ZC3H18: variants seen among roughly 807,000 people sequenced by gnomAD.
ZC3H18 encodes the protein zinc finger CCCH domain-containing protein 18.
Under a neutral mutation model 106.1 loss-of-function variants are expected in ZC3H18, and 8 were observed. The ratio of observed to expected loss-of-function variants is 0.08; its 90% confidence interval spans 0.04 to 0.14. ZC3H18 has a LOEUF of 0.14. ZC3H18 is among the 10% of genes least tolerant of loss of function. The pLI, the probability that ZC3H18 is intolerant of heterozygous loss-of-function variation, is 1.00. For missense variants in ZC3H18, 1,318 were observed against 1,278.4 expected, an observed-to-expected ratio of 1.03 and a Z score of -0.47; for synonymous variants, 635 against 522.1, an observed-to-expected ratio of 1.22 and a Z score of -2.95.
rs756138464 is a variant in ZC3H18, at chr16:88,609,018, G to A, written c.1173G>A (p.Gln391=). 7 of 1,613,742 alleles carry A rather than the reference G, an allele frequency of 4.3e-6. No individual in the cohort carries two copies. The African/African-American group carries it at 5.3e-5, about 12-fold the overall frequency. The change falls in exon 7 of 18, where the codon CAG becomes CAA. Residue 391 remains glutamine (Q), a synonymous_variant. Transcript: ENST00000301011. ...GACAGTATGAGAATTTCAGGGTGCAGTATACAGAAACAGAGCCGTATCATA... is the reference window on the plus strand; with the variant it reads ...GACAGTATGAGAATTTCAGGGTGCAATATACAGAAACAGAGCCGTATCATA... The part of the protein sequence containing the change: ...RGGQYENFRV[Q]YTETEPYHNY...
intron 2 of ZC3H18, among the ~76,000 whole-genome samples, chr16:88,580,826 G>A (rs1038063233): frequency 2.6e-5 from 4 of 152,150 alleles, no homozygotes; most frequent in East Asian, 3.9e-4. Context: ...CAAAGTGTCC[G>A]TTCTAGAAGA....
rs367748720 is a variant in ZC3H18, at chr16:88,622,325, C to T, written c.1604C>T (p.Pro535Leu). 5.1e-5 allele frequency: 82 copies of T among 1,613,632 alleles called. 1 individual carries two copies. Among genetic ancestry groups the T allele is most frequent in the Non-Finnish European group, 6.4e-5 (75 of 1,179,866 alleles). ...AAGAAACTCGGGGTGTCGGTCTCCCCGAGCCGGGCTCGAAGGCGTCGGAAA... is the reference window on the plus strand; with the variant it reads ...AAGAAACTCGGGGTGTCGGTCTCCCTGAGCCGGGCTCGAAGGCGTCGGAAA... ...PKKKLGVSVS[P>L]SRARRRRKTS... The change falls in exon 9 of 18, where the codon CCG (proline) becomes CTG (leucine). Residue 535 changes from proline to leucine, a missense_variant. Around this residue, in one of 6 missense-constraint regions of ZC3H18, gnomAD observed 848 missense variants for 821.7 expected, o/e 1.03. Coordinates refer to ENST00000301011, the MANE Select transcript of ZC3H18 (RefSeq NM_144604.4).
intron 1 of ZC3H18, among the ~76,000 whole-genome samples, chr16:88,574,892 C>T (rs1181506598): frequency 1.1e-4 from 16 of 148,756 alleles, no homozygotes; most frequent in African/African-American, 3.2e-4. Flanking sequence ...TGCAATGGCG[C>T]GATCTCGGCT....
At chr16:88,620,406 T>C (rs1225425293) in intron 8 of ZC3H18, among the ~76,000 whole-genome samples, 2 of 152,050 alleles carry the variant, frequency 1.3e-5, no homozygotes, top group African/African-American at 4.8e-5. Flanking sequence ...CTGGGCAACA[T>C]AGGGAGACCT....
chr16:88,576,780 G>A (rs780797608), intron 1 of ZC3H18, among the ~76,000 whole-genome samples: 23 of 152,194 alleles, frequency 1.5e-4, no homozygotes, highest in Non-Finnish European at 2.4e-4. Context: ...TGTCCTTTGC[G>A]ATCCGTATCG....
Position 88,631,418 on chromosome 16 carries a change from A to G in ZC3H18, c.*119A>G. On this transcript the variant is annotated 3_prime_UTR_variant, in exon 18 of 18. Coordinates refer to ENST00000301011, the MANE Select transcript of ZC3H18 (RefSeq NM_144604.4). ...CTTTTTAAAAAGTAAAAAAGAAAAAAAAGTTTCTCAGCTGGAAAAGAAGCC... is the reference window on the plus strand; with the variant it reads ...CTTTTTAAAAAGTAAAAAAGAAAAAGAAGTTTCTCAGCTGGAAAAGAAGCC... The G allele has an allele frequency of 7.2e-7, 1 of 1,385,930 alleles. No homozygotes were observed. The highest frequency in any genetic ancestry group is 9.8e-7 in the Non-Finnish European group (1 of 1,025,370). The allele number at this position is 1,385,930 out of a possible 1,614,324, so 85.9% of individuals were successfully genotyped here. A position where few individuals can be genotyped will look rare whatever the true frequency, so the allele number is the denominator to read the frequency against.
At chr16:88,599,336 G>T (rs1201801679) in intron 5 of ZC3H18, among the ~76,000 whole-genome samples, 1 of 151,806 alleles carries the variant, frequency 6.6e-6, no homozygotes, top group Non-Finnish European at 1.5e-5. Flanking sequence ...CCCAGTGTGT[G>T]AGCTTCAGCT....
intron 8 of ZC3H18, among the ~76,000 whole-genome samples, chr16:88,616,776 C>T (rs76855278): frequency 6.6e-6 from 1 of 152,232 alleles, no homozygotes; most frequent in African/African-American, 2.4e-5. Flanking sequence ...CAGGGAGATC[C>T]ATTTGGGAAG....
At chr16:88,589,253 A>C (rs1915607204) in intron 3 of ZC3H18, among the ~76,000 whole-genome samples, 1 of 152,216 alleles carries the variant, frequency 6.6e-6, no homozygotes, top group Admixed American at 6.5e-5. Flanking sequence ...CTGCTTTAGG[A>C]AACAGTTCCT....
intron 8 of ZC3H18, among the ~76,000 whole-genome samples, chr16:88,620,156 A>G (rs1319713025): frequency 2.0e-5 from 3 of 152,268 alleles, no homozygotes; most frequent in Admixed American, 1.3e-4. Context: ...CTCTGAAAAC[A>G]TAAACATTGA....
At chr16:88,615,704 C>T (rs920289005) in intron 8 of ZC3H18, among the ~76,000 whole-genome samples, 3 of 152,120 alleles carry the variant, frequency 2.0e-5, no homozygotes, top group African/African-American at 7.2e-5. Context: ...GGTCACTGTG[C>T]TGTGTGGCTC....
At chr16:88,571,683 C>T (rs769103086) in intron 1 of ZC3H18, 8 of 985,280 alleles carry the variant, frequency 8.1e-6, no homozygotes, top group Non-Finnish European at 9.6e-6. Context: ...GTAAGTTAAC[C>T]TATGGCCTAC....
At position 88,577,540 on chromosome 16, in the gene ZC3H18, T is replaced by C. The variant is rs1471416119; in HGVS notation, c.417T>C (p.Ala139=). ...DYDEEVPEEP[A]PAVQEDEAEK... ...ATGAGGAGGTTCCTGAGGAGCCAGC[T>C]CCCGCCGTCCAGGAGGACGAGGCTG... Residue 139 remains alanine (A), a synonymous_variant, in exon 2 of 18, where the codon GCT becomes GCC. Coordinates refer to ENST00000301011, the MANE Select transcript of ZC3H18 (RefSeq NM_144604.4). 3 of 1,613,108 alleles carry C rather than the reference T, an allele frequency of 1.9e-6. No individual in the cohort carries two copies. The African/African-American group carries it at 4.0e-5, about 22-fold the overall frequency.
At chr16:88,577,783 C>T in intron 2 of ZC3H18, 57 bp downstream of exon 2, 8 of 1,610,452 alleles carry the variant, frequency 5.0e-6, no homozygotes, top group Non-Finnish European at 6.8e-6. Context: ...CTGACATAGA[C>T]TGGTGCTGGA....
In ZC3H18 at chr16:88,623,204, T is replaced by TCCCCC. The variant is rs1160527301; in HGVS notation, c.1668-12_1668-11insCCCCC. 1 of 1,610,430 alleles carries TCCCCC rather than the reference T, an allele frequency of 6.2e-7. No homozygotes were observed. The highest frequency in any genetic ancestry group is 8.5e-7 in the Non-Finnish European group (1 of 1,179,550). ...CCTTCTCACTTCTCGCCACGCTCCG[T>TCCCCC]CCCGCCCGCCCCAGGTCGTCTTCGC... On this transcript the variant is annotated splice_polypyrimidine_tract_variant and intron_variant, in intron 9 of 17. Coordinates refer to ENST00000301011, the MANE Select transcript of ZC3H18 (RefSeq NM_144604.4).
At chr16:88,622,484 C>G in intron 9 of ZC3H18, 96 bp downstream of exon 9, 1 of 1,367,662 alleles carries the variant, frequency 7.3e-7, no homozygotes, top group Non-Finnish European at 9.8e-7. Context: ...ACACCCCAGC[C>G]CCACTGTTTG....
intron 1 of ZC3H18, among the ~76,000 whole-genome samples, chr16:88,576,845 C>A (rs1315157121): frequency 6.6e-6 from 1 of 152,216 alleles, no homozygotes; most frequent in East Asian, 1.9e-4. Context: ...AAGGGCTAGG[C>A]CAGGCTGCGT....
At chr16:88,628,476 CCTGG>C (rs992987339) in intron 15 of ZC3H18, among the ~76,000 whole-genome samples, 12 of 152,264 alleles carry the variant, frequency 7.9e-5, no homozygotes, top group African/African-American at 2.9e-4. Context: ...GGGCAAGAGG[CCTGG>C]CTTCATGGGT....
At chr16:88,601,579 C>T (rs1214092390) in intron 6 of ZC3H18, among the ~76,000 whole-genome samples, 1 of 152,088 alleles carries the variant, frequency 6.6e-6, no homozygotes, top group Non-Finnish European at 1.5e-5. Context: ...TGTCTCCCAT[C>T]CTGGCACCAG....
Sources: gnomAD v4.1 joint callset for allele counts (sites outside exome capture counted in the v4.1 genomes callset) on GRCh38, gnomAD v4.1.1 for gene constraint, gnomAD v4.1.1 regional missense constraint, MANE v1.5 for transcripts, NCBI Gene and HGNC (gene_info 2026-07-23, HGNC 2026-07-21) for gene names.